The following DHRS12 variants were observed in gnomAD, a reference collection of about 807,000 sequenced individuals.
DHRS12 encodes dehydrogenase/reductase SDR family member 12.
Under a neutral mutation model 32.1 loss-of-function variants are expected in DHRS12, and 29 were observed. The ratio of observed to expected loss-of-function variants is 0.90; its 90% CI spans 0.67 to 1.23. DHRS12 has a LOEUF of 1.23. Among genes scored for constraint, DHRS12 ranks in the 50% most tolerant of loss-of-function variants. The pLI is 0.00. For missense variants in DHRS12, 330 were observed against 337.2 expected, an observed-to-expected ratio of 0.98 and a Z score of 0.17; for synonymous variants, 150 against 135.9, an observed-to-expected ratio of 1.10 and a Z score of -0.72.
intron 4 of DHRS12, among the ~76,000 whole-genome samples, chr13:51,783,694 G>A (rs941411821): frequency 1.3e-5 from 2 of 152,108 alleles, no homozygotes; most frequent in African/African-American, 4.8e-5. Context: ...TGCAGCCTCT[G>A]ACCTCTTCTT....
chr13:51,765,065 G>A (rs191015378), downstream of DHRS12: 1 of 152,310 alleles, frequency 6.6e-6, no homozygotes, highest in Admixed American at 6.5e-5. Flanking sequence ...AGGGGCACTT[G>A]CAACAGGAAG....
Position 51,790,019 on chromosome 13 carries a change from T to C in DHRS12, c.293A>G (p.Asn98Ser), listed in dbSNP as rs150281562. The change falls in exon 4 of 9, where the codon AAT becomes AGT. Residue 98 changes from asparagine to serine, a missense_variant. Coordinates refer to ENST00000444610, the MANE Select transcript of DHRS12 (RefSeq NM_001377533.1). ...AAACTTCTTGTACTTACCCAGAGTA[T>C]TGGCAGCAAAGTTTTTTTCAAGTCC... is the stretch of plus-strand genomic sequence containing the variant. ...EDGLEKNFAA[N>S]TLGVYILTTG... The C allele has an allele frequency of 4.2e-5, 67 of 1,605,308 alleles. 1 individual carries two copies. The African/African-American group carries it at 7.5e-4, about 18-fold the overall frequency.
intron 3 of DHRS12, among the ~76,000 whole-genome samples, chr13:51,790,739 TTCTA>T (rs1039338175): frequency 6.6e-6 from 1 of 152,086 alleles, no homozygotes; most frequent in Admixed American, 6.6e-5. Context: ...CTGGGACTCT[TTCTA>T]TCTGAGTCTA....
intron 7 of DHRS12, 186 bp downstream of exon 7, chr13:51,771,635 T>C: frequency 1.4e-6 from 2 of 1,435,688 alleles, no homozygotes. Flanking sequence ...AAGCAAAAGC[T>C]CTGTGTCTGT....
chr13:51,779,738 C>T (rs1001095840), intron 4 of DHRS12, among the ~76,000 whole-genome samples: 1 of 152,156 alleles, frequency 6.6e-6, no homozygotes, highest in Non-Finnish European at 1.5e-5. Flanking sequence ...TGAGGGCTGC[C>T]CTTGTAGCCC....
intron 1 of DHRS12, among the ~76,000 whole-genome samples, chr13:51,802,897 T>G (rs1309925859): frequency 6.8e-6 from 1 of 147,840 alleles, no homozygotes; most frequent in South Asian, 2.2e-4. Context: ...AGCGAAAGAG[T>G]CCTGGGAGAA....
intron 4 of DHRS12, 143 bp from the exon 5 acceptor site, chr13:51,777,264 C>T (rs564259965): frequency 5.6e-5 from 44 of 780,798 alleles, no homozygotes; most frequent in East Asian, 5.5e-4. Flanking sequence ...TCCCTCCTTC[C>T]GAGGATCCTT....
chr13:51,801,811 C>T (rs544590019), intron 1 of DHRS12, among the ~76,000 whole-genome samples: 1 of 152,322 alleles, frequency 6.6e-6, no homozygotes, highest in East Asian at 1.9e-4. Context: ...GAGCCCTTCT[C>T]CAGGGGCAGG....
chr13:51,771,583 G>A (rs1954019178), intron 7 of DHRS12: 8 of 1,554,210 alleles, frequency 5.1e-6, no homozygotes, highest in Middle Eastern at 1.9e-4. Flanking sequence ...ACCTGCTCCC[G>A]TTCCCACCAT....
chr13:51,781,366 G>A (rs535043683), intron 4 of DHRS12, among the ~76,000 whole-genome samples: 5 of 152,112 alleles, frequency 3.3e-5, no homozygotes, highest in East Asian at 1.9e-4. Context: ...CCAGTTCCAC[G>A]CACTGAACAA....
At chr13:51,784,100 T>C (rs1456279321) in intron 4 of DHRS12, among the ~76,000 whole-genome samples, 1 of 152,196 alleles carries the variant, frequency 6.6e-6, no homozygotes, top group Non-Finnish European at 1.5e-5. Context: ...AGGACATTTG[T>C]ACAGAGTCAG....
the DHRS12 span, chr13:51,761,577 T>C: frequency 6.6e-6 from 1 of 152,186 alleles, no homozygotes; most frequent in Non-Finnish European, 1.5e-5. Context: ...GTAATACACA[T>C]GGGAGTGAAA....
intron 8 of DHRS12, 24 bp from the exon 9 acceptor site, chr13:51,768,320 A>G (rs780707663): frequency 1.4e-5 from 21 of 1,535,262 alleles, no homozygotes; most frequent in Middle Eastern, 3.8e-4. Flanking sequence ...GGAACCGCAG[A>G]GAGGTGTGAG....
chr13:51,774,223 G>A, intron 5 of DHRS12, 189 bp from the exon 6 acceptor site: 1 of 553,678 alleles, frequency 1.8e-6, no homozygotes, highest in African/African-American at 2.2e-5. Context: ...TTCTCCTACA[G>A]TACATGTATT....
intron 8 of DHRS12, 104 bp downstream of exon 8, chr13:51,769,052 G>A (rs1196751751): frequency 6.6e-7 from 1 of 1,516,128 alleles, no homozygotes; most frequent in African/African-American, 1.4e-5. Context: ...CCCCCCAGGG[G>A]ACAGTCCCAC....
rs374684388 is a variant in DHRS12 at position 51,769,191 on chromosome 13, G to A, written c.662C>T (p.Ala221Val). The change falls in exon 8 of 9, where the codon GCC becomes GTC. Residue 221 changes from alanine (A) to valine (V), a missense_variant. Physicochemically the swap from Ala to Val is moderately conservative, Grantham distance 64. Transcript: ENST00000444610. ...GCGGCCGCTGGGCTGTGCGGCTGCG[G>A]CAGAGGAGAGGGCCAGCCACAGCAT... The part of the protein sequence containing the change: ...DTMLWLALSS[A>V]AAAQPSGRFF... 28 of 1,558,830 alleles carry A rather than the reference G, an allele frequency of 1.8e-5. No homozygotes were observed. In the Middle Eastern group the frequency reaches 6.4e-4, roughly 35 times the overall value.
chr13:51,770,021 C>A (rs1342565395), intron 7 of DHRS12, among the ~76,000 whole-genome samples: 1 of 152,182 alleles, frequency 6.6e-6, no homozygotes, highest in East Asian at 1.9e-4. Flanking sequence ...CAAAATAGTT[C>A]TCTCTCGAAG....
At chr13:51,768,905 C>T (rs1162118785) in intron 8 of DHRS12, 2 of 1,383,558 alleles carry the variant, frequency 1.4e-6, no homozygotes, top group Non-Finnish European at 9.3e-7. Context: ...AAGGTAGGAA[C>T]TGCCTCTCCC....
At chr13:51,791,278 A>G in intron 2 of DHRS12, 21 bp from the exon 3 acceptor site, 1 of 1,397,134 alleles carries the variant, frequency 7.2e-7, no homozygotes, top group South Asian at 1.4e-5. Context: ...AAGCAAAAAA[A>G]AAAAAAACCC....
Sources: gnomAD v4.1 joint callset for allele counts (sites outside exome capture counted in the v4.1 genomes callset) on GRCh38, gnomAD v4.1.1 for gene constraint, MANE v1.5 for transcripts, NCBI Gene and HGNC (gene_info 2026-07-23, HGNC 2026-07-21) for gene names.